Variants in GID8 observed in about 807,000 individuals in gnomAD.
GID8 encodes the protein GID complex subunit 8 homolog.
Under a neutral mutation model 27.4 loss-of-function variants are expected in GID8, and 6 were observed. The ratio of observed to expected loss-of-function variants is 0.22; its 90% CI spans 0.12 to 0.43. The LOEUF is 0.43. Among genes scored for constraint, GID8 ranks in the 20% least tolerant of loss-of-function variants. The pLI is 1.00. For synonymous variants in GID8, 112 were observed against 109.0 expected (o/e 1.03, Z -0.17); for missense variants, 173 against 287.6 (o/e 0.60, Z 2.88).
In GID8 at chr20:62,945,987, A is replaced by T; in HGVS notation, c.*1075A>T. Reference sequence around the variant, plus strand: ...TGTCCCCTGCTCCGTGGTGGGCAGGAGGGAAGTGGTGCAGGGCTGCGTGCA... The same window carrying T: ...TGTCCCCTGCTCCGTGGTGGGCAGGTGGGAAGTGGTGCAGGGCTGCGTGCA... On this transcript the variant is annotated 3_prime_UTR_variant, in exon 5 of 5. Transcript: ENST00000266069. 7.8e-7 allele frequency: 1 copy of T among 1,289,394 alleles called. No individual in the cohort carries two copies. The highest frequency in any genetic ancestry group is 1.0e-6 in the Non-Finnish European group (1 of 988,842). 79.9% of individuals were successfully genotyped at this position (1,289,394 alleles called of 1,614,324 possible). A position where few individuals can be genotyped will look rare whatever the true frequency, so the allele number is the denominator to read the frequency against.
In GID8 at chr20:62,945,974, C is replaced by T. The variant is rs1340439038; in HGVS notation, c.*1062C>T. 8 of 1,289,290 alleles carry T rather than the reference C, an allele frequency of 6.2e-6. No individual in the cohort carries two copies. The highest frequency in any genetic ancestry group is 1.5e-5 in the African/African-American group (1 of 65,870). The allele number at this position is 1,289,290 out of a possible 1,614,324, so 79.9% of individuals were successfully genotyped here. On this transcript the variant is annotated 3_prime_UTR_variant, in exon 5 of 5. Coordinates refer to ENST00000266069, the MANE Select transcript of GID8 (RefSeq NM_017896.3). The stretch of plus-strand genomic sequence containing the variant: ...TCACTCACAGAACTGTCCCCTGCTC[C>T]GTGGTGGGCAGGAGGGAAGTGGTGC...
Position 62,945,333 on chromosome 20 carries a change from T to C in GID8, c.*421T>C. 1.0e-6 allele frequency: 1 copy of C among 995,526 alleles called. No individual in the cohort carries two copies. Among genetic ancestry groups the C allele is most frequent in the Non-Finnish European group, 1.2e-6 (1 of 835,992 alleles). The allele number at this position is 995,526 out of a possible 1,614,324, so 61.7% of individuals were successfully genotyped here. A position where few individuals can be genotyped will look rare whatever the true frequency, so the allele number is the denominator to read the frequency against. On this transcript the variant is annotated 3_prime_UTR_variant, in exon 5 of 5. Coordinates refer to ENST00000266069, the MANE Select transcript of GID8 (RefSeq NM_017896.3). ...ACATTGGGCCTTCACCTACAAGTTT[T>C]TCCTTACCCCTGTGGTTTTTGTGTT...
Position 62,943,256 on chromosome 20 carries a change from T to C in GID8, c.315+73T>C. ...AAAGTTATTTGCAATGATTGAGAAA[T>C]AACTAGGCTAATTTGCTTTAATAAT... is the stretch of plus-strand genomic sequence containing the variant. On this transcript the variant is annotated intron_variant, in intron 3 of 4. Coordinates refer to ENST00000266069, the MANE Select transcript of GID8 (RefSeq NM_017896.3). The surrounding 1 kb of genome is among the most constrained non-coding windows in gnomAD (Gnocchi z 4.7). 8.3e-7 allele frequency: 1 copy of C among 1,207,792 alleles called. No homozygotes were observed. Among genetic ancestry groups the C allele is most frequent in the Non-Finnish European group, 1.2e-6 (1 of 840,314 alleles). The allele number at this position is 1,207,792 out of a possible 1,614,324, so 74.8% of individuals were successfully genotyped here. A position where few individuals can be genotyped will look rare whatever the true frequency, so the allele number is the denominator to read the frequency against.
chr20:62,943,803 C>T lies in GID8; in HGVS notation c.513+111C>T. ...GTGTGGACTGAGAGACAGGTGGCTTCTGTGCCTGGGATGCTAAGTGGTTCC... is the reference window on the plus strand; with the variant it reads ...GTGTGGACTGAGAGACAGGTGGCTTTTGTGCCTGGGATGCTAAGTGGTTCC... On this transcript the variant is annotated intron_variant, in intron 4 of 4. Coordinates refer to ENST00000266069, the MANE Select transcript of GID8 (RefSeq NM_017896.3). The surrounding 1 kb of genome is among the most constrained non-coding windows in gnomAD (Gnocchi z 4.7). 1 of 741,386 alleles carries T rather than the reference C, an allele frequency of 1.3e-6. No homozygotes were observed. The highest frequency in any genetic ancestry group is 2.3e-6 in the Non-Finnish European group (1 of 441,888). The allele number at this position is 741,386 out of a possible 1,614,324, so 45.9% of individuals were successfully genotyped here.
chr20:62,942,114 C>T (rs992889726), intron 2 of GID8, among the ~76,000 whole-genome samples: 8 of 152,184 alleles, frequency 5.3e-5, no homozygotes. Context: ...CATGAAAAAT[C>T]TCCCTCCTGT....
intron 1 of GID8, among the ~76,000 whole-genome samples, chr20:62,940,097 C>A (rs2065434914): frequency 6.6e-6 from 1 of 152,080 alleles, no homozygotes; most frequent in South Asian, 2.1e-4. Context: ...GTTGCTAAAG[C>A]ACATGTCATG....
At chr20:62,939,398 A>G (rs989542244) in intron 1 of GID8, among the ~76,000 whole-genome samples, 3 of 151,986 alleles carry the variant, frequency 2.0e-5, no homozygotes, top group Non-Finnish European at 4.4e-5. Context: ...TCTTGGCTTT[A>G]AATATCCCTG....
Position 62,945,478 on chromosome 20 carries a change from C to T in GID8, c.*566C>T. 9.8e-7 allele frequency: 1 copy of T among 1,017,528 alleles called. No homozygotes were observed. The highest frequency in any genetic ancestry group is 1.2e-6 in the Non-Finnish European group (1 of 848,852). 63.0% of individuals were successfully genotyped at this position (1,017,528 alleles called of 1,614,324 possible). On this transcript the variant is annotated 3_prime_UTR_variant, in exon 5 of 5. Coordinates refer to ENST00000266069, the MANE Select transcript of GID8 (RefSeq NM_017896.3). ...TTTCCCTTTGGTCTGGGTTGTGTGG[C>T]TTTTGGGGGATGCGTGTGAGGGGGC...
At position 62,941,384 on chromosome 20, in the gene GID8, G is replaced by A. The variant is rs980574480; in HGVS notation, c.-12-107G>A. The A allele has an allele frequency of 1.2e-5, 8 of 675,878 alleles. No homozygotes were observed. In the African/African-American group the frequency reaches 1.2e-4, roughly 11 times the overall value. The allele number at this position is 675,878 out of a possible 1,614,324, so 41.9% of individuals were successfully genotyped here. On this transcript the variant is annotated intron_variant, in intron 1 of 4. Coordinates refer to ENST00000266069, the MANE Select transcript of GID8 (RefSeq NM_017896.3). The stretch of plus-strand genomic sequence containing the variant: ...TGTCCCACGGCAGCGTTGTCTTTCC[G>A]TACATGCTCAGTGTGGGATTCTCCG...
At position 62,948,222 on chromosome 20, in the gene GID8, C is replaced by T. The variant is rs929340175; in HGVS notation, c.*3310C>T. 1 of 152,230 alleles carries T rather than the reference C, an allele frequency of 6.6e-6. No homozygotes were observed. Among genetic ancestry groups the T allele is most frequent in the African/African-American group, 2.4e-5 (1 of 41,466 alleles). The allele number at this position is 152,230 out of a possible 1,614,324, so 9.4% of individuals were successfully genotyped here. A position where few individuals can be genotyped will look rare whatever the true frequency, so the allele number is the denominator to read the frequency against. ...CTGATACTACGCGTGTTGTTTTTTA[C>T]AACAGGTATGTTTTTGTTTCAGAAA... is the stretch of plus-strand genomic sequence containing the variant. On this transcript the variant is annotated 3_prime_UTR_variant, in exon 5 of 5. Coordinates refer to ENST00000266069, the MANE Select transcript of GID8 (RefSeq NM_017896.3).
At chr20:62,941,965 G>C (rs1056162467) in intron 2 of GID8, among the ~76,000 whole-genome samples, 1 of 152,242 alleles carries the variant, frequency 6.6e-6, no homozygotes, top group Admixed American at 6.5e-5. Flanking sequence ...TTTCTGGAAA[G>C]TATGCCCAAC....
In GID8 at chr20:62,945,725, T is replaced by C; in HGVS notation, c.*813T>C. On this transcript the variant is annotated 3_prime_UTR_variant, in exon 5 of 5. Transcript: ENST00000266069. ...TCCCCCTGTGATAGCGGCAGTGGCT[T>C]TTTCTGGTACCTGCAGCTGGAAAGG... is the stretch of plus-strand genomic sequence containing the variant. 8.3e-7 allele frequency: 1 copy of C among 1,205,834 alleles called. No individual in the cohort carries two copies. The highest frequency in any genetic ancestry group is 1.1e-6 in the Non-Finnish European group (1 of 944,908). The allele number at this position is 1,205,834 out of a possible 1,614,324, so 74.7% of individuals were successfully genotyped here. A position where few individuals can be genotyped will look rare whatever the true frequency, so the allele number is the denominator to read the frequency against.
rs909186353 is a variant in GID8 at position 62,941,371 on chromosome 20, G to C, written c.-12-120G>C. The C allele has an allele frequency of 5.3e-5, 34 of 635,630 alleles. No individual in the cohort carries two copies. In the African/African-American group the frequency reaches 6.2e-4, roughly 12 times the overall value. The allele number at this position is 635,630 out of a possible 1,614,324, so 39.4% of individuals were successfully genotyped here. ...TCAGTCTGGTGGGTGTCCCACGGCA[G>C]CGTTGTCTTTCCGTACATGCTCAGT... On this transcript the variant is annotated intron_variant, in intron 1 of 4. Coordinates refer to ENST00000266069, the MANE Select transcript of GID8 (RefSeq NM_017896.3).
chr20:62,944,689 C>A, intron 4 of GID8, 50 bp from the exon 5 acceptor site: 1 of 1,270,060 alleles, frequency 7.9e-7, no homozygotes, highest in Non-Finnish European at 1.2e-6. Flanking sequence ...ATAGACTCTG[C>A]TGGTGCTCTG....
In GID8 at chr20:62,940,506, A is replaced by T. The variant is rs1173667716; in HGVS notation, c.-12-985A>T. On this transcript the variant is annotated intron_variant, in intron 1 of 4. Transcript: ENST00000266069. ...CTGGGACTACAGGCGCCCGCCACCG[A>T]GCACGGCTAATTTTTTGTATTTTTA... 2.0e-5 allele frequency among the ~76,000 whole-genome samples: 3 copies of T among 151,856 alleles called. No individual in the cohort carries two copies. The East Asian group carries it at 5.8e-4, about 29-fold the overall frequency.
chr20:62,947,144 A>C lies in GID8; in HGVS notation c.*2232A>C, dbSNP rs2065469971. 1 of 151,980 alleles carries C rather than the reference A, an allele frequency of 6.6e-6. No individual in the cohort carries two copies. Among genetic ancestry groups the C allele is most frequent in the African/African-American group, 2.4e-5 (1 of 41,334 alleles). The allele number at this position is 151,980 out of a possible 1,614,324, so 9.4% of individuals were successfully genotyped here. On this transcript the variant is annotated 3_prime_UTR_variant, in exon 5 of 5. Coordinates refer to ENST00000266069, the MANE Select transcript of GID8 (RefSeq NM_017896.3). ...TGAGCAGATGTCGGGGAGACTGGGA[A>C]GTCTCCAGCGTTACTGCTCTCCTTC...
chr20:62,946,452 G>A lies in GID8; in HGVS notation c.*1540G>A, dbSNP rs763162977. On this transcript the variant is annotated 3_prime_UTR_variant, in exon 5 of 5. Transcript: ENST00000266069. The stretch of plus-strand genomic sequence containing the variant: ...GCTTCTTTCTGTGTTGGAGCCTGGC[G>A]AAGTTGTGTTTTCAAGCCCTCTACT... The A allele has an allele frequency of 6.3e-6, 1 of 157,488 alleles. No individual in the cohort carries two copies. Among genetic ancestry groups the A allele is most frequent in the Admixed American group, 6.3e-5 (1 of 15,860 alleles). 9.8% of individuals were successfully genotyped at this position (157,488 alleles called of 1,614,324 possible).
intron 1 of GID8, chr20:62,938,604 C>T (rs888350258): frequency 1.2e-4 from 18 of 152,218 alleles, no homozygotes; most frequent in African/African-American, 4.3e-4. Context: ...AAGCAGAAAC[C>T]GAGCGGGTGA....
chr20:62,945,988 G>A lies in GID8; in HGVS notation c.*1076G>A. ...GTCCCCTGCTCCGTGGTGGGCAGGA[G>A]GGAAGTGGTGCAGGGCTGCGTGCAT... On this transcript the variant is annotated 3_prime_UTR_variant, in exon 5 of 5. Transcript: ENST00000266069. 2 of 1,289,472 alleles carry A rather than the reference G, an allele frequency of 1.6e-6. No individual in the cohort carries two copies. The highest frequency in any genetic ancestry group is 2.0e-6 in the Non-Finnish European group (2 of 988,874). The allele number at this position is 1,289,472 out of a possible 1,614,324, so 79.9% of individuals were successfully genotyped here.
Sources: gnomAD v4.1 joint callset for allele counts (sites outside exome capture counted in the v4.1 genomes callset) on GRCh38, gnomAD v4.1.1 for gene constraint, Gnocchi (gnomAD v3.1) non-coding constraint, MANE v1.5 for transcripts, NCBI Gene and HGNC (gene_info 2026-07-23, HGNC 2026-07-21) for gene names.